RIMS1: variants seen among roughly 807,000 people sequenced by gnomAD.
RIMS1 encodes the protein regulating synaptic membrane exocytosis protein 1.
Under a neutral mutation model 214.1 loss-of-function variants are expected in RIMS1, and 83 were observed. The ratio of observed to expected loss-of-function variants is 0.39; its 90% confidence interval spans 0.32 to 0.47. RIMS1 has a LOEUF of 0.47. Among genes scored for constraint, RIMS1 ranks in the 20% least tolerant of loss-of-function variants. RIMS1 has a pLI of 0.99. For synonymous variants in RIMS1, 793 were observed against 786.8 expected (o/e 1.01, Z -0.13); for missense variants, 2,050 against 2,161.8 (o/e 0.95, Z 1.03).
chr6:72,059,984 G>A (rs1827418566), intron 2 of RIMS1, among the ~76,000 whole-genome samples: 1 of 151,778 alleles, frequency 6.6e-6, no homozygotes, highest in Non-Finnish European at 1.5e-5. Context: ...TCTTGCCCAG[G>A]CTGGAGTGCA....
At chr6:72,272,454 G>T (rs759455910) in intron 22 of RIMS1, among the ~76,000 whole-genome samples, 5 of 152,058 alleles carry the variant, frequency 3.3e-5, no homozygotes, top group African/African-American at 4.8e-5. Context: ...TATTATATTG[G>T]TACTACATAT....
intron 4 of RIMS1, among the ~76,000 whole-genome samples, chr6:72,158,515 C>T (rs1430906221): frequency 2.2e-5 from 3 of 136,994 alleles, no homozygotes; most frequent in Admixed American, 7.6e-5. Context: ...CCCATTAACT[C>T]GTCATTTAAC....
intron 2 of RIMS1, among the ~76,000 whole-genome samples, chr6:71,988,702 T>C (rs1263930723): frequency 6.6e-6 from 1 of 152,034 alleles, no homozygotes; most frequent in Non-Finnish European, 1.5e-5. Context: ...ACCTAGAGAG[T>C]TGTTGGAATA....
At chr6:72,271,286 A>AAATATATATATATATATATAT (rs1417580438) in intron 22 of RIMS1, among the ~76,000 whole-genome samples, 1 of 44,422 alleles carries the variant, frequency 2.3e-5, no homozygotes, top group African/African-American at 1.1e-4. Context: ...AAAAAAAAAA[A>AAATATATATATATATATATAT]ATATATATAT....
intron 4 of RIMS1, among the ~76,000 whole-genome samples, chr6:72,122,901 T>C (rs575391746): frequency 6.6e-6 from 1 of 151,752 alleles, no homozygotes; most frequent in South Asian, 2.1e-4. Flanking sequence ...TGGTCTATTT[T>C]GTTGATCTTT....
intron 4 of RIMS1, among the ~76,000 whole-genome samples, chr6:72,135,123 A>G (rs1361561997): frequency 6.6e-6 from 1 of 152,156 alleles, no homozygotes; most frequent in Non-Finnish European, 1.5e-5. Flanking sequence ...AGAATTCAGA[A>G]CAAAGTTAAA....
Position 72,290,866 on chromosome 6 carries a change from C to T in RIMS1, c.3737+5C>T. ...ACCTTCTCCGCTTCTGACAAGGTCG[C>T]TATTCAGTGTCCCCCTCAGCATTCA... On this transcript the variant is annotated splice_donor_5th_base_variant and intron_variant, in intron 25 of 33. Transcript: ENST00000521978. 6.2e-7 allele frequency: 1 copy of T among 1,611,542 alleles called. No individual in the cohort carries two copies. The highest frequency in any genetic ancestry group is 8.5e-7 in the Non-Finnish European group (1 of 1,179,348).
In RIMS1 at chr6:72,161,223, G is replaced by A. The variant is rs1331863750; in HGVS notation, c.472-18352G>A. 2.8e-5 allele frequency among the ~76,000 whole-genome samples: 4 copies of A among 140,432 alleles called. 1 individual carries two copies. Among genetic ancestry groups the A allele is most frequent in the East Asian group, 2.0e-4 (1 of 4,960 alleles). The allele number at this position is 140,432 out of a possible 152,430, so 92.1% of individuals were successfully genotyped here. A position where few individuals can be genotyped will look rare whatever the true frequency, so the allele number is the denominator to read the frequency against. On this transcript the variant is annotated intron_variant, in intron 4 of 33. Transcript: ENST00000521978. Reference sequence around the variant, plus strand: ...TGGTAGTTTGTATTTCTGTGGGATTGGTGGTGATATCCCCTTTATCAGTTT... The same window carrying A: ...TGGTAGTTTGTATTTCTGTGGGATTAGTGGTGATATCCCCTTTATCAGTTT...
At chr6:72,208,668 G>A (rs1055639489) in intron 6 of RIMS1, among the ~76,000 whole-genome samples, 2 of 152,176 alleles carry the variant, frequency 1.3e-5, no homozygotes, top group Non-Finnish European at 2.9e-5. Flanking sequence ...TGTAAGATCA[G>A]TCAGAAGTTA....
intron 2 of RIMS1, among the ~76,000 whole-genome samples, chr6:72,067,032 A>T (rs1004789295): frequency 1.3e-5 from 2 of 152,096 alleles, no homozygotes; most frequent in African/African-American, 4.8e-5. Context: ...CATACTACAG[A>T]TATGAATTGC....
chr6:72,027,394 T>C (rs949224068), intron 2 of RIMS1, among the ~76,000 whole-genome samples: 8 of 152,146 alleles, frequency 5.3e-5, no homozygotes, highest in African/African-American at 1.9e-4. Context: ...TGACCACATC[T>C]CTACCACCAA....
At chr6:72,120,113 T>C (rs1378161861) in intron 4 of RIMS1, among the ~76,000 whole-genome samples, 1 of 151,902 alleles carries the variant, frequency 6.6e-6, no homozygotes, top group Non-Finnish European at 1.5e-5. Flanking sequence ...CCAATAAACA[T>C]ATGTGTGCAT....
intron 29 of RIMS1, among the ~76,000 whole-genome samples, chr6:72,354,577 C>G (rs371776435): frequency 1.3e-5 from 2 of 152,184 alleles, no homozygotes; most frequent in East Asian, 3.8e-4. Flanking sequence ...CTTAGATGCT[C>G]TGTATGCTAT....
chr6:71,887,325 G>A, intron 1 of RIMS1, 138 bp downstream of exon 1: 2 of 1,099,922 alleles, frequency 1.8e-6, no homozygotes, highest in Non-Finnish European at 2.7e-6. Context: ...GCCCGCCTTG[G>A]GCCAGGGGCG....
At chr6:72,131,865 C>T (rs1421928400) in intron 4 of RIMS1, among the ~76,000 whole-genome samples, 2 of 152,130 alleles carry the variant, frequency 1.3e-5, no homozygotes, top group South Asian at 2.1e-4. Context: ...ATAGACCCAC[C>T]CCCAGGCGCA....
At chr6:72,339,680 A>G (rs2096978087) in intron 29 of RIMS1, among the ~76,000 whole-genome samples, 1 of 151,950 alleles carries the variant, frequency 6.6e-6, no homozygotes, top group African/African-American at 2.4e-5. Context: ...CATCCAGTCT[A>G]TCATTGTTGG....
rs866401655 is a variant in RIMS1, at chr6:72,226,369, G to A, written c.1679-7404G>A. Among the ~76,000 whole-genome samples, 6 of 151,986 alleles carry A rather than the reference G, an allele frequency of 3.9e-5. 1 individual carries two copies. The highest frequency in any genetic ancestry group is 4.8e-5 in the African/African-American group (2 of 41,422). On this transcript the variant is annotated intron_variant, in intron 6 of 33. Transcript: ENST00000521978. Reference sequence around the variant, plus strand: ...AGGAAGAATTAATCTGATGACTGATGTTTACTGTCTCCAATTTCTTTTAAT... The same window carrying A: ...AGGAAGAATTAATCTGATGACTGATATTTACTGTCTCCAATTTCTTTTAAT...
chr6:72,313,742 A>T (rs1474404035), intron 28 of RIMS1, 70 bp downstream of exon 28: 2 of 1,445,706 alleles, frequency 1.4e-6, no homozygotes, highest in Non-Finnish European at 1.9e-6. Flanking sequence ...TAGCTTCCTG[A>T]ATATTTTTTC....
At chr6:72,229,975 T>A (rs1285056518) in intron 6 of RIMS1, among the ~76,000 whole-genome samples, 1 of 151,794 alleles carries the variant, frequency 6.6e-6, no homozygotes, top group Non-Finnish European at 1.5e-5. Flanking sequence ...CATAAAAACA[T>A]TCAATAAACA....
Sources: allele counts gnomAD v4.1 joint callset (sites outside exome capture counted in the v4.1 genomes callset), GRCh38; gene constraint gnomAD v4.1.1; transcripts MANE v1.5; gene names NCBI Gene and HGNC (gene_info 2026-07-23, HGNC 2026-07-21).